IL2RA: variants seen among roughly 807,000 people sequenced by gnomAD.
The protein encoded by IL2RA is interleukin 2 receptor subunit alpha.
A neutral mutation model predicts 37.8 loss-of-function variants in IL2RA; 24 were observed. The ratio of observed to expected loss-of-function variants is 0.63; its 90% CI spans 0.46 to 0.89. IL2RA has a LOEUF of 0.89. Ranked by LOEUF, IL2RA falls within the 40% of genes least tolerant of loss-of-function variation. The pLI is 0.00. For missense variants in IL2RA, 319 were observed against 348.6 expected, an observed-to-expected ratio of 0.92 and a Z score of 0.68; for synonymous variants, 125 against 114.6, an observed-to-expected ratio of 1.09 and a Z score of -0.58.
At position 6,018,005 on chromosome 10, in the gene IL2RA, A is replaced by G. The variant is rs1281188761; in HGVS notation, c.794+48T>C. 6.6e-7 allele frequency: 1 copy of G among 1,503,776 alleles called. No homozygotes were observed. The highest frequency in any genetic ancestry group is 1.2e-5 in the South Asian group (1 of 86,796). 93.2% of individuals were successfully genotyped at this position (1,503,776 alleles called of 1,614,324 possible). The stretch of plus-strand genomic sequence containing the variant: ...GGGGGGAGGCAGGGTGGGGCTGGGT[A>G]CAGGACTTTGATCTGACCAAGGGCT... On this transcript the variant is annotated intron_variant, in intron 7 of 7. Transcript: ENST00000379959. This position sits in a 1 kb window ranked among gnomAD's most constrained non-coding sequence, Gnocchi z 5.1.
intron 3 of IL2RA, among the ~76,000 whole-genome samples, chr10:6,023,423 C>T (rs1839421420): frequency 6.6e-6 from 1 of 152,156 alleles, no homozygotes; most frequent in South Asian, 2.1e-4. Context: ...GCAACCTCCA[C>T]CTCCTGATTT....
At position 6,015,004 on chromosome 10, in the gene IL2RA, G is replaced by A. The variant is rs34384151; in HGVS notation, c.795-2108C>T. Among the ~76,000 whole-genome samples the A allele has an allele frequency of 9.4e-3, 1,434 of 152,228 alleles. 51 individuals carry two copies. Among genetic ancestry groups the A allele is most frequent in the East Asian group, 0.079 (410 of 5,182 alleles). Reference sequence around the variant, plus strand: ...TCAGGGTTGGCCAGAGTGGATGCTGGCAGGGGTCAGGGAGGCCCTGGATAA... The same window carrying A: ...TCAGGGTTGGCCAGAGTGGATGCTGACAGGGGTCAGGGAGGCCCTGGATAA... On this transcript the variant is annotated intron_variant, in intron 7 of 7. Coordinates refer to ENST00000379959, the MANE Select transcript of IL2RA (RefSeq NM_000417.3). The surrounding 1 kb of genome is among the most constrained non-coding windows in gnomAD (Gnocchi z 4.9).
Position 6,044,222 on chromosome 10 carries a change from T to C in IL2RA, c.64+17866A>G, listed in dbSNP as rs1015519231. Among the ~76,000 whole-genome samples the C allele has an allele frequency of 5.3e-5, 8 of 152,194 alleles. No individual in the cohort carries two copies. The highest frequency in any genetic ancestry group is 1.5e-5 in the Non-Finnish European group (1 of 68,036). ...CGAGGTGGGGCTTAGCCCGCAAGGGTTCTTGGCTTTGCCCAGGAAGGAATT... is the reference window on the plus strand; with the variant it reads ...CGAGGTGGGGCTTAGCCCGCAAGGGCTCTTGGCTTTGCCCAGGAAGGAATT... On this transcript the variant is annotated intron_variant, in intron 1 of 7. Transcript: ENST00000379959. This position sits in a 1 kb window ranked among gnomAD's most constrained non-coding sequence, Gnocchi z 4.5.
chr10:6,046,911 C>T lies in IL2RA; in HGVS notation c.64+15177G>A, dbSNP rs994382526. ...CCAAGGTGGCCACGTTTCCTAAGGACATGGGAACTTAAGATGCAGGCAGGG... is the reference window on the plus strand; with the variant it reads ...CCAAGGTGGCCACGTTTCCTAAGGATATGGGAACTTAAGATGCAGGCAGGG... On this transcript the variant is annotated intron_variant, in intron 1 of 7. Transcript: ENST00000379959. The surrounding 1 kb of genome is among the most constrained non-coding windows in gnomAD (Gnocchi z 4.8). Among the ~76,000 whole-genome samples, 4 of 152,304 alleles carry T rather than the reference C, an allele frequency of 2.6e-5. No homozygotes were observed. The South Asian group carries it at 8.3e-4, about 32-fold the overall frequency.
In IL2RA at chr10:6,025,894, G is replaced by A; in HGVS notation, c.196C>T (p.Leu66Phe). The stretch of plus-strand genomic sequence containing the variant: ...GAGTGGCTAGAGTTTCCTGTACAGA[G>A]CATATAGAGTGACCCGCTTTTTATT... ...RRIKSGSLYM[L>F]CTGNSSHSSW... The change falls in exon 2 of 8, where the codon CTC (leucine) becomes TTC (phenylalanine). Residue 66 changes from leucine to phenylalanine, a missense_variant. Physicochemically the swap from Leu to Phe is conservative, Grantham distance 22. Transcript: ENST00000379959. This position sits in a 1 kb window ranked among gnomAD's most constrained non-coding sequence, Gnocchi z 4.4. 6.2e-7 allele frequency: 1 copy of A among 1,614,198 alleles called. No individual in the cohort carries two copies. The highest frequency in any genetic ancestry group is 8.5e-7 in the Non-Finnish European group (1 of 1,180,026).
intron 1 of IL2RA, among the ~76,000 whole-genome samples, chr10:6,052,993 GC>G (rs1344262064): frequency 6.6e-6 from 1 of 152,198 alleles, no homozygotes; most frequent in Non-Finnish European, 1.5e-5. Flanking sequence ...CCTGCAGGAG[GC>G]CGGCTGCTCT....
intron 1 of IL2RA, among the ~76,000 whole-genome samples, chr10:6,042,168 A>AAAAAAAAAAAAAAAAAAAAAC: frequency 6.7e-6 from 1 of 149,234 alleles, no homozygotes; most frequent in Non-Finnish European, 1.5e-5. Flanking sequence ...AAAAAAAAAA[A>AAAAAAAAAAAAAAAAAAAAAC]TTCTGATCAG....
intron 1 of IL2RA, among the ~76,000 whole-genome samples, chr10:6,055,366 G>A (rs1403892102): frequency 6.6e-6 from 1 of 151,732 alleles, no homozygotes; most frequent in African/African-American, 2.4e-5. Flanking sequence ...GTGATGTTCG[G>A]TTCTGTTCCC....
Position 6,021,517 on chromosome 10 carries a change from G to C in IL2RA, c.544C>G (p.Leu182Val). 6.2e-7 allele frequency: 1 copy of C among 1,614,138 alleles called. No homozygotes were observed. The change falls in exon 4 of 8, where the codon CTC becomes GTC. Residue 182 changes from leucine (L) to valine (V), a missense_variant. By Grantham distance (32) the Leu-to-Val change is conservative. Transcript: ENST00000379959. This position sits in a 1 kb window ranked among gnomAD's most constrained non-coding sequence, Gnocchi z 4.9. ...GTCTCCATTTCACCTGTGCATATGAGCTGGGGCTGGGTCCACCTTGTCTTC... is the reference window on the plus strand; with the variant it reads ...GTCTCCATTTCACCTGTGCATATGACCTGGGGCTGGGTCCACCTTGTCTTC... ...HGKTRWTQPQLICTGEMETSQ... is the reference protein window; with the variant it reads ...HGKTRWTQPQVICTGEMETSQ...
At position 6,028,274 on chromosome 10, in the gene IL2RA, G is replaced by A. The variant is rs917075975; in HGVS notation, c.65-2249C>T. The stretch of plus-strand genomic sequence containing the variant: ...AATTATGTATAGGGGTCCACCTCAG[G>A]TTCTTAGCCAAGAGCTGGTCTGAAC... On this transcript the variant is annotated intron_variant, in intron 1 of 7. Coordinates refer to ENST00000379959, the MANE Select transcript of IL2RA (RefSeq NM_000417.3). This position sits in a 1 kb window ranked among gnomAD's most constrained non-coding sequence, Gnocchi z 4.1. Among the ~76,000 whole-genome samples, 6 of 152,166 alleles carry A rather than the reference G, an allele frequency of 3.9e-5. No homozygotes were observed. The highest frequency in any genetic ancestry group is 6.5e-5 in the Admixed American group (1 of 15,280).
chr10:6,039,054 A>T (rs1379394593), intron 1 of IL2RA, among the ~76,000 whole-genome samples: 3 of 152,228 alleles, frequency 2.0e-5, no homozygotes, highest in African/African-American at 4.8e-5. Flanking sequence ...ATATATTTTT[A>T]AAAATATGCA....
intron 1 of IL2RA, among the ~76,000 whole-genome samples, chr10:6,032,175 G>A (rs751439324): frequency 1.7e-4 from 26 of 151,904 alleles, no homozygotes; most frequent in Non-Finnish European, 3.7e-4. Context: ...CACATCTTAT[G>A]CAAGAATTAA....
intron 3 of IL2RA, 118 bp downstream of exon 3, chr10:6,024,126 C>G: frequency 1.4e-6 from 1 of 734,264 alleles, no homozygotes; most frequent in Middle Eastern, 3.2e-4. Context: ...GAGGACGGAG[C>G]CACATGCATG....
chr10:6,042,148 C>CAAAAAAAAAAAAGAAAAAAA (rs1839782123), intron 1 of IL2RA, among the ~76,000 whole-genome samples: 1 of 54,132 alleles, frequency 1.8e-5, no homozygotes, highest in Non-Finnish European at 3.1e-5. Flanking sequence ...ATGTATTAAG[C>CAAAAAAAAAAAAGAAAAAAA]AAAAAAAAAA....
chr10:6,025,828 A>G lies in IL2RA; in HGVS notation c.256+6T>C, dbSNP rs1003576113. On this transcript the variant is annotated splice_donor_region_variant and intron_variant, in intron 2 of 7. Transcript: ENST00000379959. This position sits in a 1 kb window ranked among gnomAD's most constrained non-coding sequence, Gnocchi z 4.4. ...TGTTCTTGGTAGTCACAGAAGGGAC[A>G]CTTACCAGAGCTTGTGCATTGACAT... The G allele has an allele frequency of 1.2e-6, 2 of 1,613,972 alleles. No homozygotes were observed. The highest frequency in any genetic ancestry group is 8.5e-7 in the Non-Finnish European group (1 of 1,179,830).
intron 1 of IL2RA, among the ~76,000 whole-genome samples, chr10:6,050,848 C>T (rs910828191): frequency 3.2e-4 from 48 of 152,078 alleles, no homozygotes; most frequent in African/African-American, 1.2e-3. Flanking sequence ...AGATTGAAAA[C>T]GGGGCCAGAG....
At chr10:6,024,580 G>A (rs1250916641) in intron 2 of IL2RA, among the ~76,000 whole-genome samples, 1 of 152,138 alleles carries the variant, frequency 6.6e-6, no homozygotes, top group Non-Finnish European at 1.5e-5. Context: ...TTTTGAGCGT[G>A]TGTATACGTG....
intron 1 of IL2RA, among the ~76,000 whole-genome samples, chr10:6,038,634 A>G (rs940900060): frequency 2.6e-5 from 4 of 152,226 alleles, no homozygotes; most frequent in South Asian, 2.1e-4. Context: ...TCTCACTTTT[A>G]CTTTCAGGAA....
At chr10:6,019,729 G>A in intron 5 of IL2RA, 141 bp downstream of exon 5, 2 of 872,780 alleles carry the variant, frequency 2.3e-6, no homozygotes, top group Middle Eastern at 2.2e-4. Flanking sequence ...CTGAGGCCCT[G>A]TCCCTGCTCA....
Sources: allele counts gnomAD v4.1 joint callset (sites outside exome capture counted in the v4.1 genomes callset), GRCh38; gene constraint gnomAD v4.1.1; non-coding constraint Gnocchi (gnomAD v3.1); transcripts MANE v1.5; gene names NCBI Gene and HGNC (gene_info 2026-07-23, HGNC 2026-07-21).